The following ZMYM2 variants were observed in gnomAD, a reference collection of about 807,000 sequenced individuals.
ZMYM2 encodes the protein zinc finger MYM-type protein 2.
In ZMYM2, 56 loss-of-function variants were observed where a neutral mutation model predicts 162.8. The observed-to-expected ratio is 0.34, with a 90% CI of 0.28 to 0.43. ZMYM2 has a LOEUF of 0.43. Ranked by LOEUF, ZMYM2 falls within the 20% of genes least tolerant of loss-of-function variation. The pLI, the probability that ZMYM2 is intolerant of heterozygous loss-of-function variation, is 1.00. For missense variants in ZMYM2, 1,275 were observed against 1,621.8 expected (o/e 0.79, Z 3.67); for synonymous variants, 510 against 541.6 (o/e 0.94, Z 0.81).
At chr13:19,957,002 CTA>C (rs1954560533), upstream of ZMYM2, among the ~76,000 whole-genome samples, 1 of 152,068 alleles carries the variant, frequency 6.6e-6, no homozygotes, top group African/African-American at 2.4e-5. Context: ...GTATTTAAAA[CTA>C]AAAAATTTTA....
At chr13:19,979,223 C>A (rs1168864316) in intron 2 of ZMYM2, among the ~76,000 whole-genome samples, 2 of 152,146 alleles carry the variant, frequency 1.3e-5, no homozygotes, top group Non-Finnish European at 2.9e-5. Context: ...TGTGTCTTGA[C>A]ATGGATATCT....
chr13:20,039,849 G>T (rs528644460), intron 12 of ZMYM2, among the ~76,000 whole-genome samples: 1 of 152,246 alleles, frequency 6.6e-6, no homozygotes, highest in South Asian at 2.1e-4. Flanking sequence ...TAATCATGTG[G>T]TTTTTGTCTT....
intron 6 of ZMYM2, 56 bp downstream of exon 6, chr13:20,006,642 G>A: frequency 2.0e-6 from 3 of 1,508,442 alleles, no homozygotes; most frequent in East Asian, 2.3e-5. Context: ...TGAAAGTGTT[G>A]TAATACTTTT....
chr13:19,918,036 G>A, the ZMYM2 span, among the ~76,000 whole-genome samples: 8 of 151,538 alleles, frequency 5.3e-5, no homozygotes, highest in East Asian at 2.0e-4. Flanking sequence ...CAGCCTGGGC[G>A]TCAGAGGGAG....
the ZMYM2 span, among the ~76,000 whole-genome samples, chr13:19,921,412 T>G: frequency 6.6e-6 from 1 of 152,150 alleles, no homozygotes; most frequent in Admixed American, 6.6e-5. Flanking sequence ...AATGCTAGGA[T>G]TATAGGCGTG....
intron 2 of ZMYM2, among the ~76,000 whole-genome samples, chr13:19,983,103 G>T (rs1273244114): frequency 2.0e-5 from 3 of 151,060 alleles, no homozygotes; most frequent in East Asian, 1.9e-4. Context: ...GTCTTTGGGG[G>T]TAAAGAATTG....
intron 2 of ZMYM2, among the ~76,000 whole-genome samples, chr13:19,979,956 C>T (rs1162121262): frequency 1.3e-5 from 2 of 152,110 alleles, no homozygotes; most frequent in African/African-American, 2.4e-5. Context: ...ACCATTTCGC[C>T]TAAAGTCTCT....
chr13:20,022,278 T>C (rs1210717013), intron 7 of ZMYM2, among the ~76,000 whole-genome samples: 1 of 152,198 alleles, frequency 6.6e-6, no homozygotes. Flanking sequence ...TGAATACCAC[T>C]TTGGAGAGCA....
At chr13:19,968,659 C>T (rs1012129404) in intron 2 of ZMYM2, among the ~76,000 whole-genome samples, 84 of 152,292 alleles carry the variant, frequency 5.5e-4, no homozygotes, top group Admixed American at 2.5e-3. Context: ...TGTTAGAAAA[C>T]GGAATTATTT....
chr13:19,915,415 TTTTC>T, the ZMYM2 span, among the ~76,000 whole-genome samples: 57 of 148,390 alleles, frequency 3.8e-4, no homozygotes, highest in South Asian at 4.1e-3. Flanking sequence ...CTTGCTTGCT[TTTTC>T]TTTCTTTCTT....
intron 10 of ZMYM2, among the ~76,000 whole-genome samples, chr13:20,032,670 G>A (rs529922876): frequency 8.7e-5 from 12 of 138,684 alleles, no homozygotes; most frequent in East Asian, 8.4e-4. Context: ...GTACAATGGC[G>A]TGATCTTGGC....
chr13:19,935,048 C>G, the ZMYM2 span, among the ~76,000 whole-genome samples: 5 of 151,312 alleles, frequency 3.3e-5, no homozygotes, highest in Non-Finnish European at 7.4e-5. Flanking sequence ...ATTACAGGTG[C>G]AAGCCACCAT....
At chr13:19,885,530 T>TAA in the ZMYM2 span, among the ~76,000 whole-genome samples, 1 of 152,116 alleles carries the variant, frequency 6.6e-6, no homozygotes, top group South Asian at 2.1e-4. Context: ...TACTGTTTTA[T>TAA]TTATTTGTCT....
chr13:20,085,752 C>G (rs1958224170), intron 24 of ZMYM2, 70 bp from the exon 25 acceptor site: 1 of 1,454,784 alleles, frequency 6.9e-7, no homozygotes, highest in African/African-American at 1.4e-5. Context: ...CTGAATTATT[C>G]TTGAAAAAAG....
intron 12 of ZMYM2, among the ~76,000 whole-genome samples, chr13:20,045,525 T>G (rs1443534891): frequency 2.0e-5 from 3 of 152,214 alleles, no homozygotes; most frequent in Non-Finnish European, 4.4e-5. Flanking sequence ...GATATTAGTG[T>G]TTTTGAGAAA....
chr13:19,878,903 T>C, the ZMYM2 span, among the ~76,000 whole-genome samples: 1 of 152,202 alleles, frequency 6.6e-6, no homozygotes, highest in African/African-American at 2.4e-5. Context: ...TCTTATCAGA[T>C]ATGTGTTTTA....
the ZMYM2 span, among the ~76,000 whole-genome samples, chr13:19,902,564 C>T: frequency 6.6e-5 from 10 of 151,606 alleles, no homozygotes; most frequent in South Asian, 2.1e-4. Flanking sequence ...TGCAGTGAGC[C>T]GAGATCGTGC....
the ZMYM2 span, among the ~76,000 whole-genome samples, chr13:19,872,707 C>G: frequency 6.6e-6 from 1 of 152,008 alleles, no homozygotes; most frequent in African/African-American, 2.4e-5. Context: ...GCTTTAAAAT[C>G]CCTTTTATAG....
chr13:19,867,431 A>G, the ZMYM2 span, among the ~76,000 whole-genome samples: 4 of 152,186 alleles, frequency 2.6e-5, no homozygotes, highest in Admixed American at 1.3e-4. Context: ...AGAAACATAG[A>G]TCAAAAACAA....
Sources: allele counts gnomAD v4.1 joint callset (sites outside exome capture counted in the v4.1 genomes callset), GRCh38; gene constraint gnomAD v4.1.1; transcripts MANE v1.5; gene names NCBI Gene and HGNC (gene_info 2026-07-23, HGNC 2026-07-21).